KCMF1: variants seen among roughly 807,000 people sequenced by gnomAD.
KCMF1 encodes potassium channel modulatory factor 1.
KCMF1 carries 3 observed loss-of-function variants against 41.1 expected under a neutral mutation model. That is an observed-to-expected ratio of 0.07 (90% CI 0.03 to 0.19). The LOEUF is 0.19. Among genes scored for constraint, KCMF1 ranks in the 10% least tolerant of loss-of-function variants. KCMF1 has a pLI of 1.00. For missense variants in KCMF1, 286 were observed against 488.9 expected, an observed-to-expected ratio of 0.58 and a Z score of 3.91; for synonymous variants, 142 against 164.5, an observed-to-expected ratio of 0.86 and a Z score of 1.04.
chr2:84,983,903 A>G (rs951296883), intron 1 of KCMF1, among the ~76,000 whole-genome samples: 11 of 152,204 alleles, frequency 7.2e-5, no homozygotes, highest in South Asian at 2.1e-4. Context: ...TTGGTCTCCT[A>G]CAGTGCTGGG....
At chr2:84,981,352 GCTAATTTTT>G (rs1398132758) in intron 1 of KCMF1, among the ~76,000 whole-genome samples, 1 of 151,960 alleles carries the variant, frequency 6.6e-6, no homozygotes, top group Non-Finnish European at 1.5e-5. Flanking sequence ...ACCGCTCCCG[GCTAATTTTT>G]TGTATTTTTA....
chr2:84,981,411 G>C (rs1467916623), intron 1 of KCMF1, among the ~76,000 whole-genome samples: 2 of 151,824 alleles, frequency 1.3e-5, no homozygotes, highest in Non-Finnish European at 2.9e-5. Context: ...GGATGGTCTC[G>C]ATCTCCTGAC....
At chr2:85,034,045 A>T (rs1216955939) in intron 2 of KCMF1, among the ~76,000 whole-genome samples, 2 of 150,694 alleles carry the variant, frequency 1.3e-5, no homozygotes, top group Non-Finnish European at 3.0e-5. Flanking sequence ...TTTTTTTTTT[A>T]ATTAGCCGGA....
intron 2 of KCMF1, among the ~76,000 whole-genome samples, chr2:85,031,906 A>G (rs1675282658): frequency 6.6e-6 from 1 of 152,088 alleles, no homozygotes; most frequent in South Asian, 2.1e-4. Flanking sequence ...CAGCTGACTG[A>G]ATTTTTAATT....
At chr2:85,043,450 G>C in intron 3 of KCMF1, 114 bp from the exon 4 acceptor site, 1 of 696,510 alleles carries the variant, frequency 1.4e-6, no homozygotes. Flanking sequence ...AGGATCTGCT[G>C]TGTTTTCTGT....
Position 85,053,189 on chromosome 2 carries a change from T to G in KCMF1, c.926T>G (p.Met309Arg), listed in dbSNP as rs749770581. Reference sequence around the variant, plus strand: ...ATGTCTGAAACGGAGCGCCAGTCCATGGAAAGCGAGCGTGCAGACCGCAGC... The same window carrying G: ...ATGTCTGAAACGGAGCGCCAGTCCAGGGAAAGCGAGCGTGCAGACCGCAGC... ...PKMSETERQSMESERADRSLF... is the reference protein window; with the variant it reads ...PKMSETERQSRESERADRSLF... Residue 309 changes from methionine (M) to arginine (R), a missense_variant, in exon 7 of 7, where the codon ATG becomes AGG. Met to Arg is a moderately conservative substitution (Grantham distance 91, BLOSUM62 -1). Around this residue, in one of 2 missense-constraint regions of KCMF1, gnomAD observed 191 missense variants for 279.3 expected, o/e 0.68. Transcript: ENST00000409785. 6.2e-7 allele frequency: 1 copy of G among 1,613,934 alleles called. No individual in the cohort carries two copies. The highest frequency in any genetic ancestry group is 8.5e-7 in the Non-Finnish European group (1 of 1,179,878).
chr2:85,023,664 A>C (rs1032591333), intron 1 of KCMF1, among the ~76,000 whole-genome samples: 2 of 152,194 alleles, frequency 1.3e-5, no homozygotes, highest in African/African-American at 4.8e-5. Context: ...ACTGCCGTCA[A>C]CATTCTTCCA....
At chr2:85,006,533 C>T (rs1674477368) in intron 1 of KCMF1, among the ~76,000 whole-genome samples, 1 of 151,736 alleles carries the variant, frequency 6.6e-6, no homozygotes, top group Admixed American at 6.6e-5. Context: ...ATCTTCTGAC[C>T]TTGTGATCCA....
rs193085514 is a variant in KCMF1, at chr2:85,023,122, C to T, written c.17-4767C>T. ...CAGGATGGTCTCGATCTCCTGACCT[C>T]ATGAGCCGCCCGCCTCGGCCTCCCA... is the stretch of plus-strand genomic sequence containing the variant. On this transcript the variant is annotated intron_variant, in intron 1 of 6. Coordinates refer to ENST00000409785, the MANE Select transcript of KCMF1 (RefSeq NM_020122.5). Among the ~76,000 whole-genome samples the T allele has an allele frequency of 4.0e-4, 60 of 151,464 alleles. 1 individual carries two copies. The highest frequency in any genetic ancestry group is 1.3e-3 in the African/African-American group (55 of 41,298).
rs1238178193 is a variant in KCMF1, at chr2:84,973,825, C to CT, written c.16+2380dup. Among the ~76,000 whole-genome samples, 897 of 110,220 alleles carry CT rather than the reference C, an allele frequency of 8.1e-3. 16 individuals carry two copies. The highest frequency in any genetic ancestry group is 0.013 in the South Asian group (46 of 3,518). 72.3% of individuals were successfully genotyped at this position (110,220 alleles called of 152,430 possible). A position where few individuals can be genotyped will look rare whatever the true frequency, so the allele number is the denominator to read the frequency against. On this transcript the variant is annotated intron_variant, in intron 1 of 6. Transcript: ENST00000409785. ...TTTCTTTCTTTTTCTTTATTTCTTT[C>CT]TTTTTTTTTTTTTTTTTTTTTTAGC... is the stretch of plus-strand genomic sequence containing the variant.
rs945908155 is a variant in KCMF1, at chr2:85,057,639, A to G, written c.*4230A>G. The stretch of plus-strand genomic sequence containing the variant: ...GCTTATCGGCTTCAACTGTGCTTAC[A>G]CAACGTTTGTTTCTAATTCGTACTC... On this transcript the variant is annotated 3_prime_UTR_variant, in exon 7 of 7. Transcript: ENST00000409785. The G allele has an allele frequency of 2.6e-5, 4 of 152,240 alleles. No homozygotes were observed. The highest frequency in any genetic ancestry group is 5.9e-5 in the Non-Finnish European group (4 of 68,054). The allele number at this position is 152,240 out of a possible 1,614,324, so 9.4% of individuals were successfully genotyped here. A position where few individuals can be genotyped will look rare whatever the true frequency, so the allele number is the denominator to read the frequency against.
In KCMF1 at chr2:85,000,124, A is replaced by T. The variant is rs567997199; in HGVS notation, c.17-27765A>T. Among the ~76,000 whole-genome samples, 142 of 152,348 alleles carry T rather than the reference A, an allele frequency of 9.3e-4. 2 individuals are homozygous for T. Among genetic ancestry groups the T allele is most frequent in the African/African-American group, 3.4e-3 (140 of 41,586 alleles). Reference sequence around the variant, plus strand: ...CTACCTATTGTGTCATAAAAAATTAAATATAACTAAGACGATATTGATTTT... The same window carrying T: ...CTACCTATTGTGTCATAAAAAATTATATATAACTAAGACGATATTGATTTT... On this transcript the variant is annotated intron_variant, in intron 1 of 6. Transcript: ENST00000409785.
chr2:85,012,898 A>T (rs1032939684), intron 1 of KCMF1, among the ~76,000 whole-genome samples: 1 of 152,204 alleles, frequency 6.6e-6, no homozygotes, highest in African/African-American at 2.4e-5. Context: ...AAAACAGGGG[A>T]AAGTGACTTA....
rs541339037 is a variant in KCMF1, at chr2:85,000,935, T to C, written c.17-26954T>C. Among the ~76,000 whole-genome samples the C allele has an allele frequency of 3.3e-5, 5 of 151,706 alleles. No homozygotes were observed. The South Asian group carries it at 1.0e-3, about 31-fold the overall frequency. ...GTAGGGCTACAGATAAGTGCCGCCATGCCCAGCTAAAGTTTTGGGTTTGTT... is the reference window on the plus strand; with the variant it reads ...GTAGGGCTACAGATAAGTGCCGCCACGCCCAGCTAAAGTTTTGGGTTTGTT... On this transcript the variant is annotated intron_variant, in intron 1 of 6. Coordinates refer to ENST00000409785, the MANE Select transcript of KCMF1 (RefSeq NM_020122.5).
At chr2:85,002,796 C>G (rs147234927) in intron 1 of KCMF1, among the ~76,000 whole-genome samples, 1 of 152,088 alleles carries the variant, frequency 6.6e-6, no homozygotes, top group East Asian at 1.9e-4. Flanking sequence ...TTTTGCTGAA[C>G]AGCCCATTTT....
intron 1 of KCMF1, among the ~76,000 whole-genome samples, chr2:84,996,914 A>G (rs138476444): frequency 6.6e-6 from 1 of 152,310 alleles, no homozygotes; most frequent in African/African-American, 2.4e-5. Context: ...TAGACGGTAT[A>G]GCCTACTACA....
chr2:85,052,492 C>T (rs553241059), intron 6 of KCMF1, among the ~76,000 whole-genome samples: 2 of 152,180 alleles, frequency 1.3e-5, no homozygotes, highest in African/African-American at 4.8e-5. Flanking sequence ...TTTGTCTAGT[C>T]TCTGTGCAGA....
chr2:84,991,232 G>A (rs1206075234), intron 1 of KCMF1, among the ~76,000 whole-genome samples: 1 of 151,768 alleles, frequency 6.6e-6, no homozygotes, highest in Non-Finnish European at 1.5e-5. Flanking sequence ...GTAGAGAAGA[G>A]GGCCATTTAC....
chr2:84,997,001 A>G (rs1674193026), intron 1 of KCMF1, among the ~76,000 whole-genome samples: 1 of 152,222 alleles, frequency 6.6e-6, no homozygotes, highest in Non-Finnish European at 1.5e-5. Context: ...TACTGTACTG[A>G]ATACTGTAGG....
Sources: gnomAD v4.1 joint callset for allele counts (sites outside exome capture counted in the v4.1 genomes callset) on GRCh38, gnomAD v4.1.1 for gene constraint, gnomAD v4.1.1 regional missense constraint, MANE v1.5 for transcripts, NCBI Gene and HGNC (gene_info 2026-07-23, HGNC 2026-07-21) for gene names.